The following ENTREP2 variants were observed in gnomAD, a reference collection of about 807,000 sequenced individuals.
The protein encoded by ENTREP2 is endosomal transmembrane epsin interactor 2.
chr15:29,519,839 T>C, the ENTREP2 span, among the ~76,000 whole-genome samples: 1 of 152,126 alleles, frequency 6.6e-6, no homozygotes, highest in Non-Finnish European at 1.5e-5. Flanking sequence ...AAATAGGCAG[T>C]TCCTGCCTTA....
the ENTREP2 span, among the ~76,000 whole-genome samples, chr15:29,450,778 G>A: frequency 6.6e-6 from 1 of 152,192 alleles, no homozygotes; most frequent in African/African-American, 2.4e-5. Flanking sequence ...GGAATATGAT[G>A]CGGCCATTAA....
At chr15:29,560,398 G>A in the ENTREP2 span, among the ~76,000 whole-genome samples, 1 of 152,228 alleles carries the variant, frequency 6.6e-6, no homozygotes, top group African/African-American at 2.4e-5. Context: ...AGACCTGTGT[G>A]AGTGACAGAA....
the ENTREP2 span, among the ~76,000 whole-genome samples, chr15:29,421,476 G>A: frequency 6.6e-6 from 1 of 152,192 alleles, no homozygotes; most frequent in Non-Finnish European, 1.5e-5. Context: ...GACGTAGTAA[G>A]TCCCAGGGAA....
chr15:29,297,108 C>T, the ENTREP2 span, among the ~76,000 whole-genome samples: 44 of 152,110 alleles, frequency 2.9e-4, no homozygotes, highest in African/African-American at 4.3e-4. Context: ...TAACTACCTG[C>T]CAGAACAAAA....
chr15:29,612,775 C>T, the ENTREP2 span: 1 of 176,994 alleles, frequency 5.6e-6, no homozygotes, highest in East Asian at 1.3e-4. Context: ...GGATCCAGAA[C>T]CTGGGATCAT....
At chr15:29,286,750 T>G in the ENTREP2 span, among the ~76,000 whole-genome samples, 2 of 152,136 alleles carry the variant, frequency 1.3e-5, no homozygotes, top group Admixed American at 6.5e-5. Context: ...AATAGAAGAG[T>G]GAGGCCGTTT....
chr15:29,641,423 G>A, the ENTREP2 span, among the ~76,000 whole-genome samples: 6 of 152,072 alleles, frequency 3.9e-5, no homozygotes, highest in East Asian at 5.8e-4. Flanking sequence ...AGGGGTCTAA[G>A]AAAAAAATTA....
the ENTREP2 span, among the ~76,000 whole-genome samples, chr15:29,197,219 A>T: frequency 1.7e-4 from 26 of 152,360 alleles, no homozygotes; most frequent in African/African-American, 5.8e-4. Context: ...TTAGACGAAG[A>T]GAGAGTATGA....
the ENTREP2 span, among the ~76,000 whole-genome samples, chr15:29,482,827 T>A: frequency 6.6e-6 from 1 of 152,334 alleles, no homozygotes; most frequent in Middle Eastern, 3.4e-3. Context: ...TGTAGGGCCA[T>A]AAGTTTTTAA....
chr15:29,646,362 A>C, the ENTREP2 span, among the ~76,000 whole-genome samples: 1 of 152,058 alleles, frequency 6.6e-6, no homozygotes, highest in Non-Finnish European at 1.5e-5. Context: ...TTTCGTGCTT[A>C]CTCGGGATGC....
the ENTREP2 span, chr15:29,126,432 G>C: frequency 6.5e-7 from 1 of 1,549,984 alleles, no homozygotes; most frequent in South Asian, 1.2e-5. Flanking sequence ...TCGGGGGATG[G>C]GCTGGAACCT....
the ENTREP2 span, among the ~76,000 whole-genome samples, chr15:29,170,125 G>A: frequency 1.3e-5 from 2 of 151,862 alleles, no homozygotes; most frequent in Admixed American, 1.3e-4. Flanking sequence ...GGCTAACATG[G>A]TGAAACCCCC....
the ENTREP2 span, among the ~76,000 whole-genome samples, chr15:29,636,899 C>T: frequency 6.6e-6 from 1 of 152,144 alleles, no homozygotes; most frequent in Admixed American, 6.5e-5. Context: ...CCACCAAAAA[C>T]ATTTCTATAT....
the ENTREP2 span, among the ~76,000 whole-genome samples, chr15:29,652,476 G>A: frequency 6.6e-6 from 1 of 152,326 alleles, no homozygotes; most frequent in South Asian, 2.1e-4. Flanking sequence ...ACACAAACAG[G>A]GCTGAAACAC....
the ENTREP2 span, among the ~76,000 whole-genome samples, chr15:29,307,724 C>T: frequency 6.6e-6 from 1 of 151,640 alleles, no homozygotes; most frequent in African/African-American, 2.4e-5. Flanking sequence ...AGACAGAGAC[C>T]TCTCTCTCTC....
chr15:29,334,487 C>T, the ENTREP2 span, among the ~76,000 whole-genome samples: 21 of 152,208 alleles, frequency 1.4e-4, no homozygotes, highest in African/African-American at 4.6e-4. Context: ...TTTCATAGTT[C>T]GAGGATTCTA....
At chr15:29,234,528 G>GT in the ENTREP2 span, 1 of 1,364,492 alleles carries the variant, frequency 7.3e-7, no homozygotes, top group Non-Finnish European at 1.0e-6. Flanking sequence ...AGGTAATATG[G>GT]TATTGGTGGG....
the ENTREP2 span, among the ~76,000 whole-genome samples, chr15:29,362,709 C>T: frequency 2.0e-5 from 3 of 152,132 alleles, no homozygotes; most frequent in Non-Finnish European, 2.9e-5. Context: ...AGCTCGCTGT[C>T]ACTTGCAAAA....
At chr15:29,303,463 C>A in the ENTREP2 span, among the ~76,000 whole-genome samples, 24,601 of 151,570 alleles carry the variant, frequency 0.16, 3,317 homozygotes, top group African/African-American at 0.38. Flanking sequence ...TTTTTTTCAG[C>A]CTTTTATTTT....
Sources: allele counts gnomAD v4.1 joint callset (sites outside exome capture counted in the v4.1 genomes callset), GRCh38; gene constraint gnomAD v4.1.1; transcripts MANE v1.5; gene names NCBI Gene and HGNC (gene_info 2026-07-23, HGNC 2026-07-21).